DPP4: variants seen among roughly 807,000 people sequenced by gnomAD.
The protein encoded by DPP4 is dipeptidyl peptidase 4.
DPP4 carries 93 observed loss-of-function variants against 122.4 expected under a neutral mutation model. The ratio of observed to expected loss-of-function variants is 0.76; its 90% CI spans 0.64 to 0.90. The LOEUF is 0.90. Among genes scored for constraint, DPP4 ranks in the 40% least tolerant of loss-of-function variants. DPP4 has a pLI of 0.00. For missense variants in DPP4, 914 were observed against 907.3 expected (o/e 1.01, Z -0.09); for synonymous variants, 321 against 302.9 (o/e 1.06, Z -0.62).
intron 21 of DPP4, 70 bp from the exon 22 acceptor site, chr2:162,008,731 T>G: frequency 1.5e-6 from 2 of 1,340,046 alleles, no homozygotes; most frequent in South Asian, 1.2e-5. Context: ...AGTCGCAGTT[T>G]CCACATTTCT....
At chr2:162,063,217 C>A (rs1410471905) in intron 2 of DPP4, among the ~76,000 whole-genome samples, 4 of 152,034 alleles carry the variant, frequency 2.6e-5, no homozygotes, top group Admixed American at 6.6e-5. Context: ...TTGCCATTTG[C>A]TGAAATAAGA....
intron 2 of DPP4, among the ~76,000 whole-genome samples, chr2:162,068,536 G>A (rs186375329): frequency 1.0e-3 from 154 of 152,230 alleles, no homozygotes; most frequent in Middle Eastern, 6.8e-3. Context: ...CATTGTATCA[G>A]GGTTGGTCTG....
At chr2:162,071,001 G>C (rs1210544671) in intron 2 of DPP4, among the ~76,000 whole-genome samples, 1 of 152,034 alleles carries the variant, frequency 6.6e-6, no homozygotes, top group Non-Finnish European at 1.5e-5. Flanking sequence ...TCACATTTCT[G>C]AGTAGCTCTG....
intron 16 of DPP4, 35 bp downstream of exon 16, chr2:162,018,694 G>A (rs771910499): frequency 6.2e-7 from 1 of 1,605,676 alleles, no homozygotes; most frequent in Non-Finnish European, 8.5e-7. Context: ...AGTAACAGCG[G>A]CGACTGCCCT....
intron 13 of DPP4, 56 bp downstream of exon 13, chr2:162,020,524 TG>T (rs1481788244): frequency 7.4e-7 from 1 of 1,350,378 alleles, no homozygotes; most frequent in Non-Finnish European, 1.0e-6. Flanking sequence ...CACTTCAAGT[TG>T]GTTTCCAAAA....
At chr2:162,047,175 G>A (rs1684214040) in intron 3 of DPP4, among the ~76,000 whole-genome samples, 169 bp from the exon 4 acceptor site, 1 of 151,828 alleles carries the variant, frequency 6.6e-6, no homozygotes, top group African/African-American at 2.4e-5. Flanking sequence ...CATCATTATT[G>A]TCAAGGTTTC....
intron 5 of DPP4, among the ~76,000 whole-genome samples, chr2:162,040,878 T>A (rs1683960316): frequency 6.6e-6 from 1 of 151,978 alleles, no homozygotes; most frequent in Non-Finnish European, 1.5e-5. Flanking sequence ...ACTCTCTGCT[T>A]ATTTTCTATA....
At chr2:162,010,460 T>A (rs181480715) in intron 20 of DPP4, among the ~76,000 whole-genome samples, 2 of 152,310 alleles carry the variant, frequency 1.3e-5, no homozygotes, top group Admixed American at 1.3e-4. Context: ...TATATGCAAT[T>A]CATCCATGTT....
chr2:162,038,113 G>A (rs1487966175), intron 8 of DPP4, among the ~76,000 whole-genome samples, 189 bp downstream of exon 8: 1 of 152,156 alleles, frequency 6.6e-6, no homozygotes, highest in African/African-American at 2.4e-5. Flanking sequence ...GGACAGAGGA[G>A]TGCTAGGAAT....
At chr2:162,006,668 GC>G (rs1301267114) in intron 22 of DPP4, among the ~76,000 whole-genome samples, 1 of 152,026 alleles carries the variant, frequency 6.6e-6, no homozygotes, top group Non-Finnish European at 1.5e-5. Context: ...AACATATTTT[GC>G]CTGATTTTAA....
chr2:162,033,726 T>A, intron 9 of DPP4, 73 bp from the exon 10 acceptor site: 2 of 1,005,282 alleles, frequency 2.0e-6, no homozygotes, highest in Non-Finnish European at 1.5e-6. Context: ...ATTTTAAAAC[T>A]GCACAAAAAC....
chr2:162,047,434 T>A lies in DPP4; in HGVS notation c.162A>T (p.Arg54Ser), dbSNP rs199566230. Residue 54 changes from arginine to serine, a missense_variant, in exon 3 of 26, where the codon AGA becomes AGT. By Grantham distance (110) the Arg-to-Ser change is moderately radical (BLOSUM62 -1). Coordinates refer to ENST00000360534, the MANE Select transcript of DPP4 (RefSeq NM_001935.4). ...TCCATCTTAAGGAGTATAACTTCAG[T>A]CTATAAGTATTTTTTAAGTAATCAG... The part of the protein sequence containing the change: ...TLTDYLKNTY[R>S]LKLYSLRWIS... The A allele has an allele frequency of 4.1e-5, 65 of 1,581,506 alleles. No homozygotes were observed. Among genetic ancestry groups the A allele is most frequent in the Non-Finnish European group, 5.4e-5 (63 of 1,157,796 alleles).
At chr2:162,072,529 A>C (rs934042314) in intron 2 of DPP4, among the ~76,000 whole-genome samples, 2 of 152,224 alleles carry the variant, frequency 1.3e-5, no homozygotes, top group African/African-American at 4.8e-5. Flanking sequence ...GTATGCAAGC[A>C]CTGACTATAC....
chr2:162,022,888 T>C lies in DPP4; in HGVS notation c.1024-89A>G. ...ATTTGTGGTAATATAAATAGAGCTG[T>C]ACTTATAATAACTGAGAGCTATCTC... is the stretch of plus-strand genomic sequence containing the variant. On this transcript the variant is annotated intron_variant, in intron 11 of 25. Transcript: ENST00000360534. 4 of 1,293,590 alleles carry C rather than the reference T, an allele frequency of 3.1e-6. No individual in the cohort carries two copies. In the South Asian group the frequency reaches 4.8e-5, roughly 15 times the overall value. The allele number at this position is 1,293,590 out of a possible 1,614,324, so 80.1% of individuals were successfully genotyped here.
At chr2:162,068,864 A>C (rs944458216) in intron 2 of DPP4, among the ~76,000 whole-genome samples, 2 of 152,168 alleles carry the variant, frequency 1.3e-5, no homozygotes, top group Non-Finnish European at 2.9e-5. Context: ...AGAAGTCATG[A>C]AATTATAATA....
chr2:162,071,275 G>T (rs896941961), intron 2 of DPP4, among the ~76,000 whole-genome samples: 7 of 152,168 alleles, frequency 4.6e-5, no homozygotes, highest in Non-Finnish European at 1.0e-4. Context: ...CAGGGCATTT[G>T]CATTTTCTGG....
chr2:162,055,209 T>C lies in DPP4; in HGVS notation c.95-7708A>G, dbSNP rs146426571. On this transcript the variant is annotated intron_variant, in intron 2 of 25. Transcript: ENST00000360534. Reference sequence around the variant, plus strand: ...TTCCTAAGTGCCAGTGAATATCACTTTCTCCCTTCTATTAATACATGCCTA... The same window carrying C: ...TTCCTAAGTGCCAGTGAATATCACTCTCTCCCTTCTATTAATACATGCCTA... Among the ~76,000 whole-genome samples the C allele has an allele frequency of 2.4e-3, 364 of 152,340 alleles. 3 individuals are homozygous for C. Among genetic ancestry groups the C allele is most frequent in the Non-Finnish European group, 3.9e-3 (262 of 68,026 alleles).
At chr2:162,042,797 G>A (rs754970403) in intron 5 of DPP4, among the ~76,000 whole-genome samples, 1 of 152,168 alleles carries the variant, frequency 6.6e-6, no homozygotes, top group African/African-American at 2.4e-5. Context: ...AGGGAAACTG[G>A]CACCAAATAA....
In DPP4 at chr2:162,020,303, GTT is replaced by G. The variant is rs34282135; in HGVS notation, c.1177-9_1177-8del. 44,091 of 1,187,586 alleles carry G rather than the reference GTT, an allele frequency of 0.037. 909 individuals are homozygous for G. The highest frequency in any genetic ancestry group is 0.23 in the East Asian group (8,093 of 35,470). 73.6% of individuals were successfully genotyped at this position (1,187,586 alleles called of 1,614,324 possible). A position where few individuals can be genotyped will look rare whatever the true frequency, so the allele number is the denominator to read the frequency against. On this transcript the variant is annotated splice_polypyrimidine_tract_variant and splice_region_variant and intron_variant, in intron 13 of 25. Transcript: ENST00000360534. ...TTGTAATAAATGTGCAGTCCTGATGGTTTTTTTTTTTTTTCAAAAAAAAAAAA... is the reference window on the plus strand; with the variant it reads ...TTGTAATAAATGTGCAGTCCTGATGGTTTTTTTTTTTTCAAAAAAAAAAAA...
Sources: allele counts gnomAD v4.1 joint callset (sites outside exome capture counted in the v4.1 genomes callset), GRCh38; gene constraint gnomAD v4.1.1; transcripts MANE v1.5; gene names NCBI Gene and HGNC (gene_info 2026-07-23, HGNC 2026-07-21).